TIMM22: variants seen among roughly 807,000 people sequenced by gnomAD.
The protein encoded by TIMM22 is mitochondrial import inner membrane translocase subunit Tim22.
In TIMM22, 12 loss-of-function variants were observed where a neutral mutation model predicts 18.3. The observed-to-expected ratio is 0.65, with a 90% CI of 0.42 to 1.06. The LOEUF (loss-of-function observed/expected upper bound fraction) is 1.06, where lower values mean the gene tolerates loss of function less well. TIMM22 is among the 50% of genes least tolerant of loss of function. The pLI is 0.00. For missense variants in TIMM22, 278 were observed against 252.8 expected, an observed-to-expected ratio of 1.10 and a Z score of -0.68; for synonymous variants, 107 against 98.5, an observed-to-expected ratio of 1.09 and a Z score of -0.51.
Position 999,494 on chromosome 17 carries a change from G to A in TIMM22, c.436-18G>A, listed in dbSNP as rs1308668486. 1.2e-6 allele frequency: 2 copies of A among 1,612,888 alleles called. No individual in the cohort carries two copies. Among genetic ancestry groups the A allele is most frequent in the Non-Finnish European group, 1.7e-6 (2 of 1,179,466 alleles). Reference sequence around the variant, plus strand: ...TGGCTTGTTTCTTTGGCTCTAACGTGTACTTCCCTGCCCACAGTACCGGGG... The same window carrying A: ...TGGCTTGTTTCTTTGGCTCTAACGTATACTTCCCTGCCCACAGTACCGGGG... On this transcript the variant is annotated intron_variant, in intron 2 of 3. Coordinates refer to ENST00000327158, the MANE Select transcript of TIMM22 (RefSeq NM_013337.4).
chr17:1,001,714 G>A lies in TIMM22; in HGVS notation c.*626G>A, dbSNP rs1352809818. 6.5e-6 allele frequency: 1 copy of A among 152,708 alleles called. No homozygotes were observed. The highest frequency in any genetic ancestry group is 2.4e-5 in the African/African-American group (1 of 41,440). The allele number at this position is 152,708 out of a possible 1,614,324, so 9.5% of individuals were successfully genotyped here. A position where few individuals can be genotyped will look rare whatever the true frequency, so the allele number is the denominator to read the frequency against. On this transcript the variant is annotated 3_prime_UTR_variant, in exon 4 of 4. Transcript: ENST00000327158. ...GGGTGGCCCAAAGATAACATCTGAA[G>A]GGAAAGAATGAGAAAGCTCCCAGGG...
intron 1 of TIMM22, 112 bp downstream of exon 1, chr17:997,492 A>T (rs1175273240): frequency 9.7e-7 from 1 of 1,035,824 alleles, no homozygotes; most frequent in Non-Finnish European, 1.4e-6. Context: ...CTTGACCTTG[A>T]CCACACCCTC....
intron 3 of TIMM22, 103 bp from the exon 4 acceptor site, chr17:1,000,909 C>T: frequency 8.8e-7 from 1 of 1,142,564 alleles, no homozygotes; most frequent in Non-Finnish European, 1.3e-6. Context: ...ACTTACAGTG[C>T]TTAAGCTCAT....
intron 2 of TIMM22, among the ~76,000 whole-genome samples, 194 bp downstream of exon 2, chr17:999,169 C>T (rs1333447249): frequency 6.6e-6 from 1 of 151,718 alleles, no homozygotes. Context: ...TATGGGCTTG[C>T]ATTATTTTTT....
intron 2 of TIMM22, 102 bp downstream of exon 2, chr17:999,077 A>C: frequency 7.8e-7 from 1 of 1,289,198 alleles, no homozygotes; most frequent in Non-Finnish European, 1.1e-6. Context: ...TGTTACTAGA[A>C]AGCAAATCAG....
chr17:998,672 C>T, intron 1 of TIMM22, 107 bp from the exon 2 acceptor site: 1 of 1,213,124 alleles, frequency 8.2e-7, no homozygotes, highest in Non-Finnish European at 1.1e-6. Context: ...AGGGGGGTGT[C>T]CTCTGCACCG....
rs1205633216 is a variant in TIMM22, at chr17:1,002,973, A to AT, written c.*1889dup. On this transcript the variant is annotated 3_prime_UTR_variant, in exon 4 of 4. Transcript: ENST00000327158. ...GTATGAGCTCATAAACCAAACAGCA[A>AT]TTTTCAGAGACATCTGTTCCTGATC... The AT allele has an allele frequency of 1.3e-5, 2 of 152,018 alleles. No individual in the cohort carries two copies. The highest frequency in any genetic ancestry group is 2.4e-5 in the African/African-American group (1 of 41,372). The allele number at this position is 152,018 out of a possible 1,614,324, so 9.4% of individuals were successfully genotyped here.
At chr17:999,839 G>A (rs1024485542) in intron 3 of TIMM22, among the ~76,000 whole-genome samples, 3 of 151,988 alleles carry the variant, frequency 2.0e-5, no homozygotes, top group Admixed American at 6.6e-5. Context: ...ATTCTAAGAC[G>A]TTGAGCAGTA....
At chr17:998,696 AG>A in intron 1 of TIMM22, 82 bp from the exon 2 acceptor site, 1 of 1,461,134 alleles carries the variant, frequency 6.8e-7, no homozygotes, top group Non-Finnish European at 9.2e-7. Context: ...GTCATCCAAA[AG>A]CATGGTCCCT....
At chr17:998,666 G>T in intron 1 of TIMM22, 113 bp from the exon 2 acceptor site, 1 of 1,074,794 alleles carries the variant, frequency 9.3e-7, no homozygotes, top group Non-Finnish European at 1.3e-6. Context: ...GGCAAGAGGG[G>T]GGTGTCCTCT....
Position 1,003,337 on chromosome 17 carries a change from GGCTCCAGCCCACCTCCCCGCAGCTCT to G in TIMM22, c.*2252_*2277del, listed in dbSNP as rs1305876974. On this transcript the variant is annotated 3_prime_UTR_variant, in exon 4 of 4. Coordinates refer to ENST00000327158, the MANE Select transcript of TIMM22 (RefSeq NM_013337.4). ...AGGCCTTTGTGAAGAGCAAGGAGAG[GGCTCCAGCCCACCTCCCCGCAGCTCT>G]GCCCCAGCCCCCGTGGGCCACAGGG... 6.6e-6 allele frequency: 1 copy of G among 152,314 alleles called. No homozygotes were observed. Among genetic ancestry groups the G allele is most frequent in the Non-Finnish European group, 1.5e-5 (1 of 68,054 alleles). The allele number at this position is 152,314 out of a possible 1,614,324, so 9.4% of individuals were successfully genotyped here.
Position 1,002,877 on chromosome 17 carries a change from CG to C in TIMM22, c.*1790del, listed in dbSNP as rs1370560208. 1 of 152,164 alleles carries C rather than the reference CG, an allele frequency of 6.6e-6. No individual in the cohort carries two copies. Among genetic ancestry groups the C allele is most frequent in the Admixed American group, 6.5e-5 (1 of 15,274 alleles). 9.4% of individuals were successfully genotyped at this position (152,164 alleles called of 1,614,324 possible). A position where few individuals can be genotyped will look rare whatever the true frequency, so the allele number is the denominator to read the frequency against. On this transcript the variant is annotated 3_prime_UTR_variant, in exon 4 of 4. Transcript: ENST00000327158. ...TGTCAGTACCCATCGGTTCAGTAAG[CG>C]AGGCATTGTCCACGCTGCCTATTCA...
rs569088132 is a variant in TIMM22 at position 1,001,027 on chromosome 17, G to A, written c.524G>A (p.Gly175Glu). ...AIGFRAGLKA[G>E]AIGCGGFAAF... ...TGTTTGACAGCTGGCTTAAAGGCTG[G>A]GGCCATTGGTTGTGGAGGTTTTGCT... is the stretch of plus-strand genomic sequence containing the variant. Residue 175 changes from glycine to glutamate, a missense_variant, in exon 4 of 4, where the codon GGG (glycine) becomes GAG (glutamate). By Grantham distance (98) the Gly-to-Glu change is moderately conservative (BLOSUM62 -2). Transcript: ENST00000327158. The A allele has an allele frequency of 3.1e-6, 5 of 1,614,072 alleles. No homozygotes were observed. Among genetic ancestry groups the A allele is most frequent in the Admixed American group, 1.7e-5 (1 of 60,016 alleles).
At position 1,002,361 on chromosome 17, in the gene TIMM22, C is replaced by A. The variant is rs1346370652; in HGVS notation, c.*1273C>A. On this transcript the variant is annotated 3_prime_UTR_variant, in exon 4 of 4. Transcript: ENST00000327158. ...TCCTATAATACGGTAATTCCTCTAT[C>A]CTTTCCTTTTTTGCCTTCTTCCTCA... The A allele has an allele frequency of 6.6e-6, 1 of 152,228 alleles. No individual in the cohort carries two copies. Among genetic ancestry groups the A allele is most frequent in the Non-Finnish European group, 1.5e-5 (1 of 68,128 alleles). The allele number at this position is 152,228 out of a possible 1,614,324, so 9.4% of individuals were successfully genotyped here.
Position 998,804 on chromosome 17 carries a change from G to A in TIMM22, c.264G>A (p.Gly88=). Residue 88 remains glycine, a synonymous_variant, in exon 2 of 4, where the codon GGG becomes GGA. Coordinates refer to ENST00000327158, the MANE Select transcript of TIMM22 (RefSeq NM_013337.4). ...VGGFVLGGAF[G]VFTAGIDTNV... Reference sequence around the variant, plus strand: ...GATTTGTCTTAGGAGGTGCATTTGGGGTGTTTACCGCTGGCATCGATACCA... The same window carrying A: ...GATTTGTCTTAGGAGGTGCATTTGGAGTGTTTACCGCTGGCATCGATACCA... 6.2e-7 allele frequency: 1 copy of A among 1,613,752 alleles called. No homozygotes were observed. Among genetic ancestry groups the A allele is most frequent in the Non-Finnish European group, 8.5e-7 (1 of 1,179,798 alleles).
At chr17:1,000,835 C>T (rs966695906) in intron 3 of TIMM22, among the ~76,000 whole-genome samples, 177 bp from the exon 4 acceptor site, 3 of 152,202 alleles carry the variant, frequency 2.0e-5, no homozygotes, top group Non-Finnish European at 2.9e-5. Flanking sequence ...TTAGATAAAG[C>T]GCACTGGATT....
chr17:998,440 G>C (rs1328198146), intron 1 of TIMM22, among the ~76,000 whole-genome samples: 4 of 152,216 alleles, frequency 2.6e-5, no homozygotes, highest in Non-Finnish European at 4.4e-5. Flanking sequence ...TACTGTGAAT[G>C]TCACAGTGGC....
rs1357316013 is a variant in TIMM22 at position 1,002,766 on chromosome 17, A to C, written c.*1678A>C. On this transcript the variant is annotated 3_prime_UTR_variant, in exon 4 of 4. Transcript: ENST00000327158. ...CTGTCAAAGTCCTAGGATGCCTGGG[A>C]TCTTCCATCTTTCAGTCTAGCACGT... The C allele has an allele frequency of 6.6e-6, 1 of 152,164 alleles. No homozygotes were observed. Among genetic ancestry groups the C allele is most frequent in the East Asian group, 1.9e-4 (1 of 5,184 alleles). The allele number at this position is 152,164 out of a possible 1,614,324, so 9.4% of individuals were successfully genotyped here. A position where few individuals can be genotyped will look rare whatever the true frequency, so the allele number is the denominator to read the frequency against.
Position 999,467 on chromosome 17 carries a change from C to G in TIMM22, c.436-45C>G, listed in dbSNP as rs764636597. 2.5e-6 allele frequency: 4 copies of G among 1,606,578 alleles called. No individual in the cohort carries two copies. The East Asian group carries it at 8.9e-5, about 36-fold the overall frequency. On this transcript the variant is annotated intron_variant, in intron 2 of 3. Coordinates refer to ENST00000327158, the MANE Select transcript of TIMM22 (RefSeq NM_013337.4). ...TGTGTATTCCTCCTTAATGGTCTGCCTTGGCTTGTTTCTTTGGCTCTAACG... is the reference window on the plus strand; with the variant it reads ...TGTGTATTCCTCCTTAATGGTCTGCGTTGGCTTGTTTCTTTGGCTCTAACG...
Sources: gnomAD v4.1 joint callset for allele counts (sites outside exome capture counted in the v4.1 genomes callset) on GRCh38, gnomAD v4.1.1 for gene constraint, MANE v1.5 for transcripts, NCBI Gene and HGNC (gene_info 2026-07-23, HGNC 2026-07-21) for gene names.